Variants in UBE4B observed in about 807,000 individuals in gnomAD.
The protein encoded by UBE4B is ubiquitin conjugation factor E4 B.
UBE4B carries 27 observed loss-of-function variants against 148.1 expected under a neutral mutation model. That is an observed-to-expected ratio of 0.18 (90% CI 0.13 to 0.25). The LOEUF is 0.25. UBE4B is among the 10% of genes least tolerant of loss of function. The pLI is 1.00. For synonymous variants in UBE4B, 596 were observed against 619.3 expected (o/e 0.96, Z 0.56); for missense variants, 1,170 against 1,662.4 (o/e 0.70, Z 5.15).
rs1456860326 is a variant in UBE4B, at chr1:10,178,661, A to C, written c.3543A>C (p.Glu1181Asp). The C allele has an allele frequency of 1.7e-5, 27 of 1,611,844 alleles. No individual in the cohort carries two copies. The highest frequency in any genetic ancestry group is 2.2e-5 in the Non-Finnish European group (26 of 1,179,312). The change falls in exon 26 of 28, where the codon GAA becomes GAC. Residue 1181 changes from glutamate to aspartate, a missense_variant. Glu to Asp is a conservative substitution (Grantham distance 45). Transcript: ENST00000343090. ...CTTTGCAGAGATCCTACAGTAAGGAATTGTTTGAAGAAGTTATTTCAAAGA... is the reference window on the plus strand; with the variant it reads ...CTTTGCAGAGATCCTACAGTAAGGACTTGTTTGAAGAAGTTATTTCAAAGA... ...IADDQRSYSK[E>D]LFEEVISKMR... is the part of the protein sequence containing the mutation.
intron 1 of UBE4B, among the ~76,000 whole-genome samples, chr1:10,038,446 T>G (rs1161139679): frequency 6.6e-6 from 1 of 152,164 alleles, no homozygotes; most frequent in Non-Finnish European, 1.5e-5. Context: ...CTGTTTCTCA[T>G]TAGAGAAAAC....
chr1:10,158,985 G>C (rs906614624), intron 22 of UBE4B, among the ~76,000 whole-genome samples: 4 of 151,244 alleles, frequency 2.6e-5, no homozygotes, highest in Non-Finnish European at 5.9e-5. Context: ...TCTCCAGCCT[G>C]GGTGACAGAG....
chr1:10,073,920 A>ATTTTTTTTTTTTTTTTTTTTTTTTTTTTT (rs947131085), intron 2 of UBE4B, among the ~76,000 whole-genome samples: 1 of 74,852 alleles, frequency 1.3e-5, no homozygotes, highest in Non-Finnish European at 2.5e-5. Flanking sequence ...CTTTCTTTCT[A>ATTTTTTTTTTTTTTTTTTTTTTTTTTTTT]TTTTTTTTTT....
intron 1 of UBE4B, among the ~76,000 whole-genome samples, chr1:10,049,836 G>A (rs1277839101): frequency 6.7e-6 from 1 of 150,062 alleles, no homozygotes; most frequent in Non-Finnish European, 1.5e-5. Context: ...GGTGCAGTGA[G>A]CCATGATCCA....
chr1:10,107,510 G>A, intron 7 of UBE4B: 1 of 980,414 alleles, frequency 1.0e-6, no homozygotes, highest in Non-Finnish European at 1.3e-6. Flanking sequence ...GTATATTGAT[G>A]TGTTCAGACC....
At chr1:10,104,659 C>T (rs1396741163) in intron 5 of UBE4B, among the ~76,000 whole-genome samples, 1 of 152,208 alleles carries the variant, frequency 6.6e-6, no homozygotes, top group Non-Finnish European at 1.5e-5. Context: ...GTATTTGAAA[C>T]TCTGCTACTT....
At chr1:10,109,242 A>C (rs1645175174) in intron 7 of UBE4B, among the ~76,000 whole-genome samples, 1 of 152,144 alleles carries the variant, frequency 6.6e-6, no homozygotes, top group Non-Finnish European at 1.5e-5. Flanking sequence ...GGTCAAAATC[A>C]TAGAAATGCA....
At position 10,180,018 on chromosome 1, in the gene UBE4B, C is replaced by T. The variant is rs921636901; in HGVS notation, c.*62C>T. 7 of 1,602,862 alleles carry T rather than the reference C, an allele frequency of 4.4e-6. No homozygotes were observed. The highest frequency in any genetic ancestry group is 3.4e-5 in the Admixed American group (2 of 58,782). ...AGGCCAACGAGGCAAGCAGAAGCAG[C>T]GGCCGCAGCGAAGCTGCCGTTCATG... On this transcript the variant is annotated 3_prime_UTR_variant, in exon 28 of 28. Coordinates refer to ENST00000343090, the MANE Select transcript of UBE4B (RefSeq NM_001105562.3).
At chr1:10,116,203 C>T (rs1430665154) in intron 7 of UBE4B, among the ~76,000 whole-genome samples, 2 of 152,114 alleles carry the variant, frequency 1.3e-5, no homozygotes, top group African/African-American at 4.8e-5. Context: ...AGTGCAGTGG[C>T]ATGATCTCGG....
intron 26 of UBE4B, 130 bp from the exon 27 acceptor site, chr1:10,179,286 T>C: frequency 8.7e-7 from 1 of 1,155,682 alleles, no homozygotes; most frequent in East Asian, 2.4e-5. Flanking sequence ...CTTCTAAACC[T>C]GGGGGCCTCA....
intron 2 of UBE4B, among the ~76,000 whole-genome samples, chr1:10,093,684 T>C (rs1431359193): frequency 1.3e-5 from 2 of 152,102 alleles, no homozygotes; most frequent in Non-Finnish European, 2.9e-5. Flanking sequence ...TGTTTTCTTT[T>C]TTCATACTTT....
At chr1:10,145,094 C>T in intron 18 of UBE4B, 55 bp downstream of exon 18, 1 of 1,421,738 alleles carries the variant, frequency 7.0e-7, no homozygotes, top group Non-Finnish European at 9.8e-7. Flanking sequence ...ATAATTTTCC[C>T]AACAGAATAT....
chr1:10,175,650 CAAAT>C (rs950568771), intron 25 of UBE4B, among the ~76,000 whole-genome samples: 7 of 140,230 alleles, frequency 5.0e-5, no homozygotes, highest in Non-Finnish European at 1.1e-4. Flanking sequence ...GACTCCGTCT[CAAAT>C]AAATAAATAA....
At chr1:10,141,602 A>T (rs1645783370) in intron 17 of UBE4B, among the ~76,000 whole-genome samples, 1 of 151,968 alleles carries the variant, frequency 6.6e-6, no homozygotes, top group South Asian at 2.1e-4. Flanking sequence ...AAATCTTGCC[A>T]TTTTTTTTCT....
chr1:10,099,736 T>C (rs1345055984), intron 3 of UBE4B, among the ~76,000 whole-genome samples: 1 of 152,128 alleles, frequency 6.6e-6, no homozygotes, highest in African/African-American at 2.4e-5. Context: ...TTTTAGTAAT[T>C]AAGACAAAGT....
chr1:10,140,039 A>C (rs1570964825), intron 17 of UBE4B, among the ~76,000 whole-genome samples: 1 of 151,978 alleles, frequency 6.6e-6, no homozygotes, highest in Non-Finnish European at 1.5e-5. Context: ...TTGGCTTTCT[A>C]CTGCCTCTTG....
intron 1 of UBE4B, among the ~76,000 whole-genome samples, chr1:10,048,318 T>C (rs1643956939): frequency 6.6e-6 from 1 of 152,208 alleles, no homozygotes; most frequent in African/African-American, 2.4e-5. Flanking sequence ...ATATGCTGCC[T>C]GTTCTTTGTC....
At chr1:10,070,444 A>T (rs1644464722) in intron 1 of UBE4B, among the ~76,000 whole-genome samples, 2 of 89,118 alleles carry the variant, frequency 2.2e-5, no homozygotes, top group South Asian at 3.0e-4. Flanking sequence ...GTTAAAATTA[A>T]AAAAAAAAAA....
At chr1:10,139,560 T>A (rs1289823682) in intron 17 of UBE4B, among the ~76,000 whole-genome samples, 2 of 152,206 alleles carry the variant, frequency 1.3e-5, no homozygotes, top group African/African-American at 4.8e-5. Flanking sequence ...TTTTTAATTA[T>A]GGATTTAAGA....
Sources: allele counts gnomAD v4.1 joint callset (sites outside exome capture counted in the v4.1 genomes callset), GRCh38; gene constraint gnomAD v4.1.1; transcripts MANE v1.5; gene names NCBI Gene and HGNC (gene_info 2026-07-23, HGNC 2026-07-21).